FAT3: variants seen among roughly 807,000 people sequenced by gnomAD.
FAT3 encodes the protein FAT atypical cadherin 3.
A neutral mutation model predicts 310.2 loss-of-function variants in FAT3; 95 were observed. The observed-to-expected ratio is 0.31, with a 90% CI of 0.26 to 0.36. FAT3 has a LOEUF of 0.36. Among genes scored for constraint, FAT3 ranks in the 10% least tolerant of loss-of-function variants. FAT3 has a pLI of 1.00. For missense variants in FAT3, 5,408 were observed against 5,715.6 expected (o/e 0.95, Z 1.74); for synonymous variants, 2,314 against 2,192.9 (o/e 1.06, Z -1.54).
At chr11:92,772,513 C>G (rs546823569) in intron 6 of FAT3, among the ~76,000 whole-genome samples, 2 of 152,076 alleles carry the variant, frequency 1.3e-5, no homozygotes, top group Non-Finnish European at 2.9e-5. Flanking sequence ...AGACTCCCCC[C>G]TCTCTCCTTA....
intron 4 of FAT3, among the ~76,000 whole-genome samples, chr11:92,739,535 A>T (rs1358632890): frequency 1.3e-5 from 2 of 152,186 alleles, no homozygotes; most frequent in East Asian, 3.8e-4. Context: ...ATATGACAAG[A>T]CTTCGCAGAA....
chr11:92,505,960 G>C (rs935303148), intron 2 of FAT3, among the ~76,000 whole-genome samples: 1 of 152,064 alleles, frequency 6.6e-6, no homozygotes, highest in Non-Finnish European at 1.5e-5. Context: ...GTTGCGGGGT[G>C]GGGGATAACT....
intron 3 of FAT3, among the ~76,000 whole-genome samples, chr11:92,571,957 A>G (rs1476336056): frequency 2.0e-5 from 3 of 152,180 alleles, no homozygotes; most frequent in East Asian, 3.9e-4. Context: ...ACTGTCCCAT[A>G]TTTGGGGATA....
intron 1 of FAT3, among the ~76,000 whole-genome samples, chr11:92,275,319 C>G (rs191663316): frequency 4.8e-4 from 73 of 152,178 alleles, no homozygotes; most frequent in African/African-American, 1.6e-3. Context: ...TAGCCACTTA[C>G]ATTTAACACC....
intron 3 of FAT3, among the ~76,000 whole-genome samples, chr11:92,554,802 C>T (rs1227319338): frequency 6.6e-6 from 1 of 152,100 alleles, no homozygotes; most frequent in Non-Finnish European, 1.5e-5. Context: ...GCGTTGTTGC[C>T]AGTCTCTTTG....
intron 13 of FAT3, among the ~76,000 whole-genome samples, chr11:92,818,168 G>A (rs1019558116): frequency 2.0e-5 from 3 of 152,066 alleles, no homozygotes; most frequent in Non-Finnish European, 4.4e-5. Context: ...ATCTTCTATC[G>A]TCAGCCTTCT....
rs567482756 is a variant in FAT3 at position 92,765,136 on chromosome 11, C to T, written c.4195+47C>T. Reference sequence around the variant, plus strand: ...CAGTATCATGCAATGTAATAATTGACTGAAGCAACTAGGAAAAAAAAAAAA... The same window carrying T: ...CAGTATCATGCAATGTAATAATTGATTGAAGCAACTAGGAAAAAAAAAAAA... On this transcript the variant is annotated intron_variant, in intron 6 of 27. Coordinates refer to ENST00000525166, the MANE Select transcript of FAT3 (RefSeq NM_001367949.2). 5.5e-6 allele frequency: 7 copies of T among 1,262,032 alleles called. No homozygotes were observed. In the African/African-American group the frequency reaches 1.0e-4, roughly 18 times the overall value. 78.2% of individuals were successfully genotyped at this position (1,262,032 alleles called of 1,614,324 possible).
intron 2 of FAT3, among the ~76,000 whole-genome samples, chr11:92,356,673 C>G (rs915133991): frequency 2.0e-5 from 3 of 152,094 alleles, no homozygotes; most frequent in Non-Finnish European, 4.4e-5. Flanking sequence ...CTAACTTCCT[C>G]CCAAAGACTC....
chr11:92,580,997 A>G (rs1183651998), intron 3 of FAT3, among the ~76,000 whole-genome samples: 2 of 152,020 alleles, frequency 1.3e-5, no homozygotes, highest in Non-Finnish European at 2.9e-5. Context: ...TTGTTTACAC[A>G]TAGTTGGGTT....
At chr11:92,470,752 G>C (rs1028336713) in intron 2 of FAT3, among the ~76,000 whole-genome samples, 2 of 152,308 alleles carry the variant, frequency 1.3e-5, no homozygotes, top group Middle Eastern at 6.8e-3. Context: ...GTAGCTTTCA[G>C]TGCTACTTGT....
intron 2 of FAT3, among the ~76,000 whole-genome samples, chr11:92,444,762 G>C (rs1190760720): frequency 6.6e-6 from 1 of 151,914 alleles, no homozygotes; most frequent in Non-Finnish European, 1.5e-5. Flanking sequence ...TCTGATTGTG[G>C]CAGCTGTCAA....
At chr11:92,624,622 A>G (rs1941240763) in intron 3 of FAT3, among the ~76,000 whole-genome samples, 1 of 152,192 alleles carries the variant, frequency 6.6e-6, no homozygotes, top group Admixed American at 6.5e-5. Flanking sequence ...GTAGAGAGAA[A>G]TAACTCCAAA....
At chr11:92,423,529 A>G (rs1950572102) in intron 2 of FAT3, among the ~76,000 whole-genome samples, 1 of 152,148 alleles carries the variant, frequency 6.6e-6, no homozygotes, top group Non-Finnish European at 1.5e-5. Context: ...GCTACCTCTT[A>G]ATAATTATAT....
At chr11:92,872,097 G>A in intron 22 of FAT3, among the ~76,000 whole-genome samples, 1 of 152,182 alleles carries the variant, frequency 6.6e-6, no homozygotes, top group African/African-American at 2.4e-5. Context: ...TATTCTGCCT[G>A]TCAAGTTGGA....
chr11:92,767,452 C>A (rs1234406391), intron 6 of FAT3, among the ~76,000 whole-genome samples: 2 of 152,074 alleles, frequency 1.3e-5, no homozygotes, highest in African/African-American at 4.8e-5. Context: ...GATCCATGCA[C>A]TCAACCTGCT....
chr11:92,490,014 T>G (rs1327959555), intron 2 of FAT3, among the ~76,000 whole-genome samples: 1 of 152,034 alleles, frequency 6.6e-6, no homozygotes, highest in African/African-American at 2.4e-5. Flanking sequence ...TGAAACTACT[T>G]TTGAATGTCT....
rs756245500 is a variant in FAT3, at chr11:92,793,027, C to T, written c.4822+50C>T. 85 of 1,552,228 alleles carry T rather than the reference C, an allele frequency of 5.5e-5. 1 individual carries two copies. The South Asian group carries it at 9.3e-4, about 17-fold the overall frequency. On this transcript the variant is annotated intron_variant, in intron 9 of 27. Transcript: ENST00000525166. The stretch of plus-strand genomic sequence containing the variant: ...TTTCAGCATAATGCAAGGCATTCGA[C>T]CCTCAGTAGTATTTATCACCATGTA...
chr11:92,421,926 A>G (rs190630793), intron 2 of FAT3, among the ~76,000 whole-genome samples: 9 of 152,336 alleles, frequency 5.9e-5, no homozygotes, highest in Admixed American at 5.9e-4. Context: ...TGACATTTAG[A>G]CAGTGAGAGA....
intron 13 of FAT3, among the ~76,000 whole-genome samples, chr11:92,828,336 A>T (rs1219141840): frequency 1.3e-5 from 2 of 152,090 alleles, no homozygotes; most frequent in Admixed American, 6.6e-5. Flanking sequence ...TTATTTCTAA[A>T]ACTTATTGAA....
Sources: allele counts gnomAD v4.1 joint callset (sites outside exome capture counted in the v4.1 genomes callset), GRCh38; gene constraint gnomAD v4.1.1; transcripts MANE v1.5; gene names NCBI Gene and HGNC (gene_info 2026-07-23, HGNC 2026-07-21).